Variants in CABP1 observed in about 807,000 individuals in gnomAD.
CABP1 encodes calcium binding protein 1.
In CABP1, 17 loss-of-function variants were observed where a neutral mutation model predicts 34.3. That is an observed-to-expected ratio of 0.50 (90% confidence interval 0.34 to 0.74). The LOEUF (loss-of-function observed/expected upper bound fraction) is 0.74, where lower values mean the gene tolerates loss of function less well. Among genes scored for constraint, CABP1 ranks in the 30% least tolerant of loss-of-function variants. CABP1 has a pLI of 0.01. For synonymous variants in CABP1, 198 were observed against 229.2 expected (o/e 0.86, Z 1.23); for missense variants, 373 against 511.1 (o/e 0.73, Z 2.61).
At chr12:120,644,678 C>G (rs2137327356) in intron 1 of CABP1, among the ~76,000 whole-genome samples, 1 of 152,326 alleles carries the variant, frequency 6.6e-6, no homozygotes, top group South Asian at 2.1e-4. Flanking sequence ...TCTCCTAATA[C>G]AGATAGGCTA....
rs760686230 is a variant in CABP1 at position 120,661,154 on chromosome 12, C to T, written c.1023C>T (p.His341=). 5 of 1,613,308 alleles carry T rather than the reference C, an allele frequency of 3.1e-6. No homozygotes were observed. Among genetic ancestry groups the T allele is most frequent in the African/African-American group, 2.7e-5 (2 of 74,974 alleles). Residue 341 remains histidine (H), a synonymous_variant, in exon 5 of 6, where the codon CAC becomes CAT. Transcript: ENST00000316803. This position sits in a 1 kb window ranked among gnomAD's most constrained non-coding sequence, Gnocchi z 5.1. Reference sequence around the variant, plus strand: ...AGCTCCTGGGTCATCAGGTGGGACACCGAGACATAGAGGAAATTATCCGAG... The same window carrying T: ...AGCTCCTGGGTCATCAGGTGGGACATCGAGACATAGAGGAAATTATCCGAG... The part of the protein sequence containing the change: ...MRKLLGHQVG[H]RDIEEIIRDV...
In CABP1 at chr12:120,660,608, AT is replaced by A; in HGVS notation, c.830-121del. 3 of 762,286 alleles carry A rather than the reference AT, an allele frequency of 3.9e-6. No homozygotes were observed. The highest frequency in any genetic ancestry group is 6.9e-6 in the Non-Finnish European group (3 of 435,988). 47.2% of individuals were successfully genotyped at this position (762,286 alleles called of 1,614,324 possible). ...AAGAACTGAACAGAGGGCTCTTGTT[AT>A]TATTAAGTTTGTCTCTATCTGATGA... is the stretch of plus-strand genomic sequence containing the variant. On this transcript the variant is annotated intron_variant, in intron 3 of 5. Transcript: ENST00000316803. This position sits in a 1 kb window ranked among gnomAD's most constrained non-coding sequence, Gnocchi z 5.0.
rs76769944 is a variant in CABP1 at position 120,657,700 on chromosome 12, G to A, written c.655-2178G>A. ...AAGGACCAGCCATCAGTGCTCAGCA[G>A]ACCAGCTCTGGTGGCGGGCACACTC... On this transcript the variant is annotated intron_variant, in intron 1 of 5. Coordinates refer to ENST00000316803, the MANE Select transcript of CABP1 (RefSeq NM_001033677.2). 1.4e-3 allele frequency among the ~76,000 whole-genome samples: 209 copies of A among 152,352 alleles called. 6 individuals carry two copies. In the East Asian group the frequency reaches 0.037, roughly 27 times the overall value.
chr12:120,678,160 T>G, the CABP1 span, among the ~76,000 whole-genome samples: 1 of 152,212 alleles, frequency 6.6e-6, no homozygotes, highest in African/African-American at 2.4e-5. Context: ...CTCCCACCCC[T>G]GCCTTGTGTT....
chr12:120,651,213 G>A (rs1258010216), intron 1 of CABP1, among the ~76,000 whole-genome samples: 1 of 152,144 alleles, frequency 6.6e-6, no homozygotes, highest in Non-Finnish European at 1.5e-5. Context: ...TAATTCTTGA[G>A]TTAAGTCAGA....
chr12:120,650,506 TC>T lies in CABP1; in HGVS notation c.654+9169del, dbSNP rs1383800331. The T allele has an allele frequency of 1.9e-6, 3 of 1,554,296 alleles. No homozygotes were observed. The African/African-American group carries it at 4.1e-5, about 21-fold the overall frequency. On this transcript the variant is annotated intron_variant, in intron 1 of 5. Transcript: ENST00000316803. ...GCACGCGCGCAAGAGAGGGCTCACA[TC>T]CGTCCTGGAGGAAGAACGGCACAGA...
the CABP1 span, among the ~76,000 whole-genome samples, chr12:120,677,722 C>T: frequency 3.9e-5 from 6 of 152,142 alleles, no homozygotes; most frequent in African/African-American, 1.2e-4. Context: ...TGCTTTCTAT[C>T]GTACTCATTG....
intron 5 of CABP1, among the ~76,000 whole-genome samples, chr12:120,662,922 T>A (rs929691151): frequency 6.6e-6 from 1 of 152,070 alleles, no homozygotes; most frequent in African/African-American, 2.4e-5. Context: ...TGAACTCAGG[T>A]GATCCACCCG....
chr12:120,655,837 G>C (rs1880155698), intron 1 of CABP1: 1 of 1,529,508 alleles, frequency 6.5e-7, no homozygotes, highest in East Asian at 2.5e-5. Flanking sequence ...GTGCGTGTGT[G>C]TGTGTGTGTG....
the CABP1 span, among the ~76,000 whole-genome samples, chr12:120,672,374 T>A: frequency 6.6e-6 from 1 of 152,180 alleles, no homozygotes; most frequent in Non-Finnish European, 1.5e-5. Flanking sequence ...GGCTCACGCC[T>A]GTAATCCTAG....
downstream of CABP1, among the ~76,000 whole-genome samples, chr12:120,667,840 C>T (rs966045582): frequency 5.3e-5 from 8 of 152,104 alleles, no homozygotes; most frequent in East Asian, 1.9e-4. Flanking sequence ...CATTCTCATC[C>T]GTGGGCCAGA....
chr12:120,653,758 C>A (rs376454293), intron 1 of CABP1, among the ~76,000 whole-genome samples: 1 of 152,168 alleles, frequency 6.6e-6, no homozygotes, highest in Non-Finnish European at 1.5e-5. Flanking sequence ...GTCTTGAACT[C>A]CCAACTTCAG....
At position 120,667,172 on chromosome 12, in the gene CABP1, AGCT is replaced by A; in HGVS notation, c.*280_*282del. ...GCCAGGCGCCAAGGGCCATGTGCCC[AGCT>A]GCTGCTGGCTGGGTGGGCCAGGGAG... On this transcript the variant is annotated 3_prime_UTR_variant, in exon 6 of 6. Transcript: ENST00000316803. 1.8e-6 allele frequency: 1 copy of A among 561,526 alleles called. No homozygotes were observed. 34.8% of individuals were successfully genotyped at this position (561,526 alleles called of 1,614,324 possible). A position where few individuals can be genotyped will look rare whatever the true frequency, so the allele number is the denominator to read the frequency against.
chr12:120,656,125 G>T (rs1307266045), intron 1 of CABP1: 1 of 1,614,058 alleles, frequency 6.2e-7, no homozygotes, highest in Admixed American at 1.7e-5. Context: ...GCTACATGGT[G>T]GTGCAGACGA....
the CABP1 span, among the ~76,000 whole-genome samples, chr12:120,678,134 G>T: frequency 6.6e-6 from 1 of 152,200 alleles, no homozygotes; most frequent in Non-Finnish European, 1.5e-5. Flanking sequence ...CAGAGTTTCA[G>T]GGCTGGCAGG....
downstream of CABP1, among the ~76,000 whole-genome samples, chr12:120,671,793 G>A (rs1383700918): frequency 6.6e-6 from 1 of 152,226 alleles, no homozygotes; most frequent in Non-Finnish European, 1.5e-5. Context: ...TAGGCTGGGT[G>A]CAGTGGATTG....
At chr12:120,671,373 G>C (rs535988662), downstream of CABP1, among the ~76,000 whole-genome samples, 2 of 152,328 alleles carry the variant, frequency 1.3e-5, no homozygotes, top group Admixed American at 6.5e-5. Flanking sequence ...ACTCCAGCCT[G>C]GGCAACAGAG....
chr12:120,650,702 A>G (rs1475838486), intron 1 of CABP1: 1 of 1,612,766 alleles, frequency 6.2e-7, no homozygotes, highest in African/African-American at 1.3e-5. Context: ...TGGAGTTTCC[A>G]AGATCTGGGG....
intron 1 of CABP1, among the ~76,000 whole-genome samples, chr12:120,646,290 G>T (rs921055210): frequency 3.9e-5 from 6 of 152,304 alleles, no homozygotes; most frequent in African/African-American, 1.4e-4. Flanking sequence ...TCAAATGCTG[G>T]TGATAGAACT....
Sources: gnomAD v4.1 joint callset for allele counts (sites outside exome capture counted in the v4.1 genomes callset) on GRCh38, gnomAD v4.1.1 for gene constraint, Gnocchi (gnomAD v3.1) non-coding constraint, MANE v1.5 for transcripts, NCBI Gene and HGNC (gene_info 2026-07-23, HGNC 2026-07-21) for gene names.